FOXN3: variants seen among roughly 807,000 people sequenced by gnomAD.
The protein encoded by FOXN3 is forkhead box N3.
Under a neutral mutation model 38.4 loss-of-function variants are expected in FOXN3, and 7 were observed. The ratio of observed to expected loss-of-function variants is 0.18; its 90% CI spans 0.10 to 0.34. The LOEUF (loss-of-function observed/expected upper bound fraction) is 0.34, where lower values mean the gene tolerates loss of function less well. Ranked by LOEUF, FOXN3 falls within the 10% of genes least tolerant of loss-of-function variation. FOXN3 has a pLI of 1.00. For missense variants in FOXN3, 456 were observed against 613.4 expected (o/e 0.74, Z 2.71); for synonymous variants, 230 against 242.2 (o/e 0.95, Z 0.47).
chr14:89,616,003 G>A (rs1402153430), intron 1 of FOXN3, among the ~76,000 whole-genome samples: 2 of 152,158 alleles, frequency 1.3e-5, no homozygotes, highest in African/African-American at 4.8e-5. Context: ...GCTATTCAAT[G>A]CTTCAAATTG....
intron 3 of FOXN3, among the ~76,000 whole-genome samples, chr14:89,342,872 A>C (rs1300121766): frequency 6.6e-6 from 1 of 152,244 alleles, no homozygotes; most frequent in Admixed American, 6.5e-5. Flanking sequence ...AGTGTATTGA[A>C]TATGAGGGGC....
At chr14:89,507,492 C>T (rs1185228073) in intron 1 of FOXN3, among the ~76,000 whole-genome samples, 1 of 152,204 alleles carries the variant, frequency 6.6e-6, no homozygotes, top group Non-Finnish European at 1.5e-5. Flanking sequence ...CTGAAAAGGT[C>T]TTTCTATTTG....
intron 1 of FOXN3, among the ~76,000 whole-genome samples, chr14:89,526,380 A>G (rs529309301): frequency 6.6e-6 from 1 of 152,306 alleles, no homozygotes; most frequent in South Asian, 2.1e-4. Flanking sequence ...ATCTACAGAA[A>G]AGATCCTAGA....
intron 4 of FOXN3, among the ~76,000 whole-genome samples, chr14:89,220,930 A>C (rs1458181658): frequency 6.6e-6 from 1 of 152,166 alleles, no homozygotes; most frequent in Non-Finnish European, 1.5e-5. Context: ...CAAGGAAAAA[A>C]ATAAAAATTA....
chr14:89,235,605 T>C (rs955883200), intron 4 of FOXN3, among the ~76,000 whole-genome samples: 1 of 152,198 alleles, frequency 6.6e-6, no homozygotes, highest in Non-Finnish European at 1.5e-5. Context: ...TTAGATTTCA[T>C]GGCACAGGGG....
chr14:89,384,006 T>C (rs1890728987), intron 2 of FOXN3, among the ~76,000 whole-genome samples: 1 of 151,308 alleles, frequency 6.6e-6, no homozygotes, highest in African/African-American at 2.4e-5. Context: ...AGACTCCAGG[T>C]GGACATGAAT....
chr14:89,287,884 T>G (rs1886683422), intron 3 of FOXN3, among the ~76,000 whole-genome samples: 1 of 151,890 alleles, frequency 6.6e-6, no homozygotes, highest in Non-Finnish European at 1.5e-5. Context: ...ATAAAACATT[T>G]TTTTATTCTA....
intron 1 of FOXN3, among the ~76,000 whole-genome samples, chr14:89,513,064 C>A (rs1385542303): frequency 7.1e-6 from 1 of 140,360 alleles, no homozygotes; most frequent in Non-Finnish European, 1.5e-5. Flanking sequence ...TGCTTGAACT[C>A]GGGGGTCAGA....
At chr14:89,604,255 ACG>A (rs10618382) in intron 1 of FOXN3, among the ~76,000 whole-genome samples, 62,641 of 151,190 alleles carry the variant, frequency 0.41, 13,143 homozygotes, top group Admixed American at 0.51. Flanking sequence ...GCGCACACAC[ACG>A]CGCGCGCACA....
In FOXN3 at chr14:89,329,855, C is replaced by CAAAAAAAAAAAAA. The variant is rs57791098; in HGVS notation, c.680+20804_680+20816dup. The stretch of plus-strand genomic sequence containing the variant: ...TGGGCGACAGAGCGAGACTCAGTCT[C>CAAAAAAAAAAAAA]AAAAAAAAAAAAAAAAAAAAAAAAA... On this transcript the variant is annotated intron_variant, in intron 3 of 5. Transcript: ENST00000557258. 8.4e-5 allele frequency among the ~76,000 whole-genome samples: 5 copies of CAAAAAAAAAAAAA among 59,866 alleles called. 1 individual carries two copies. The highest frequency in any genetic ancestry group is 1.8e-4 in the African/African-American group (3 of 16,900). 39.3% of individuals were successfully genotyped at this position (59,866 alleles called of 152,430 possible).
chr14:89,567,745 CAG>C lies in FOXN3; in HGVS notation c.-15+51281_-15+51282del, dbSNP rs1446881929. ...GATTTTTTTTTTTTTTTTTTTTAGA[CAG>C]AGTCTCGCTCTGTCTCCCAGGCTGG... On this transcript the variant is annotated intron_variant, in intron 1 of 6. Coordinates refer to the FOXN3 transcript ENST00000345097. 5.6e-4 allele frequency among the ~76,000 whole-genome samples: 72 copies of C among 129,420 alleles called. No homozygotes were observed. The South Asian group carries it at 0.016, about 29-fold the overall frequency. 84.9% of individuals were successfully genotyped at this position (129,420 alleles called of 152,430 possible). A position where few individuals can be genotyped will look rare whatever the true frequency, so the allele number is the denominator to read the frequency against.
intron 1 of FOXN3, among the ~76,000 whole-genome samples, chr14:89,519,541 C>G (rs1894277689): frequency 7.1e-6 from 1 of 141,060 alleles, no homozygotes; most frequent in Non-Finnish European, 1.5e-5. Flanking sequence ...TTGGGCAAAG[C>G]TGTTGGCGAC....
chr14:89,321,572 G>A (rs1293707126), intron 3 of FOXN3, among the ~76,000 whole-genome samples: 1 of 152,016 alleles, frequency 6.6e-6, no homozygotes, highest in Non-Finnish European at 1.5e-5. Flanking sequence ...GTGAGATTCT[G>A]TCTCAAAAAA....
chr14:89,348,963 C>A lies in FOXN3; in HGVS notation c.680+1709G>T, dbSNP rs377044404. ...TGGTCTAAAGGAACCAATGACATGA[C>A]CCAGTGAGTAACACTCATGTTCTTA... On this transcript the variant is annotated intron_variant, in intron 3 of 5. Coordinates refer to ENST00000557258, the MANE Select transcript of FOXN3 (RefSeq NM_005197.4). Among the ~76,000 whole-genome samples, 87 of 152,164 alleles carry A rather than the reference C, an allele frequency of 5.7e-4. 1 individual carries two copies. The highest frequency in any genetic ancestry group is 2.0e-3 in the African/African-American group (83 of 41,498).
chr14:89,288,118 G>C (rs951684697), intron 3 of FOXN3, among the ~76,000 whole-genome samples: 3 of 151,964 alleles, frequency 2.0e-5, no homozygotes, highest in Non-Finnish European at 4.4e-5. Context: ...TCCAAAATGG[G>C]CACGCGATCA....
intron 1 of FOXN3, among the ~76,000 whole-genome samples, chr14:89,522,447 CAAT>C (rs1321785691): frequency 5.9e-5 from 9 of 152,078 alleles, no homozygotes; most frequent in African/African-American, 2.2e-4. Flanking sequence ...CCAGAAATAA[CAAT>C]ACAAGTTAAT....
intron 3 of FOXN3, among the ~76,000 whole-genome samples, chr14:89,347,931 A>T (rs2015575): frequency 1.3e-5 from 2 of 151,994 alleles, no homozygotes; most frequent in African/African-American, 4.8e-5. Context: ...TCCAGCCTGG[A>T]GAGAGAGCAA....
chr14:89,374,366 A>C (rs1040278570), intron 2 of FOXN3, among the ~76,000 whole-genome samples: 3 of 151,894 alleles, frequency 2.0e-5, no homozygotes, highest in Non-Finnish European at 2.9e-5. Context: ...AAACAGTTGG[A>C]CAATTTCTTA....
At chr14:89,518,371 G>A (rs939772800) in intron 1 of FOXN3, among the ~76,000 whole-genome samples, 12 of 152,148 alleles carry the variant, frequency 7.9e-5, no homozygotes, top group African/African-American at 2.4e-4. Context: ...AGGTTTCCAG[G>A]TTTCCAATCT....
Sources: gnomAD v4.1 joint callset for allele counts (sites outside exome capture counted in the v4.1 genomes callset) on GRCh38, gnomAD v4.1.1 for gene constraint, MANE v1.5 for transcripts, NCBI Gene and HGNC (gene_info 2026-07-23, HGNC 2026-07-21) for gene names.